Variants in PDE6B observed in about 807,000 individuals in gnomAD.
PDE6B encodes the protein phosphodiesterase 6B.
Under a neutral mutation model 109.0 loss-of-function variants are expected in PDE6B, and 106 were observed. That is an observed-to-expected ratio of 0.97 (90% confidence interval 0.83 to 1.14). PDE6B has a LOEUF of 1.14. Among genes scored for constraint, PDE6B ranks in the 50% most tolerant of loss-of-function variants. The pLI is 0.00. For synonymous variants in PDE6B, 490 were observed against 471.3 expected, an observed-to-expected ratio of 1.04 and a Z score of -0.51; for missense variants, 1,193 against 1,155.6, an observed-to-expected ratio of 1.03 and a Z score of -0.47.
chr4:653,484 C>G (rs942922418), intron 3 of PDE6B: 2 of 509,710 alleles, frequency 3.9e-6, no homozygotes, highest in Non-Finnish European at 6.4e-6. Flanking sequence ...AACCACGGCC[C>G]GATGTTCTCA....
rs1735336359 is a variant in PDE6B at position 648,746 on chromosome 4, C to T, written c.712-5106C>T. Among the ~76,000 whole-genome samples the T allele has an allele frequency of 6.6e-6, 1 of 152,256 alleles. No individual in the cohort carries two copies. The highest frequency in any genetic ancestry group is 1.5e-5 in the Non-Finnish European group (1 of 68,050). ...GCCTGTTCGGCTTAGTGGAGCAATT[C>T]TCACCGCCCAGCTGTCTGAGCTGCA... On this transcript the variant is annotated intron_variant, in intron 3 of 21. Coordinates refer to ENST00000496514, the MANE Select transcript of PDE6B (RefSeq NM_000283.4). The surrounding 1 kb of genome is among the most constrained non-coding windows in gnomAD (Gnocchi z 4.5).
At chr4:649,808 C>T (rs2109170895) in intron 3 of PDE6B, among the ~76,000 whole-genome samples, 1 of 152,286 alleles carries the variant, frequency 6.6e-6, no homozygotes, top group Admixed American at 6.5e-5. Flanking sequence ...ATCCCATCTG[C>T]CCTGGCCCCT....
At chr4:669,773 C>T (rs190777021) in intron 21 of PDE6B, among the ~76,000 whole-genome samples, 3 of 147,440 alleles carry the variant, frequency 2.0e-5, no homozygotes, top group Non-Finnish European at 4.5e-5. Flanking sequence ...ATGCTATCCC[C>T]CTACCCCATG....
chr4:653,428 C>A, intron 3 of PDE6B: 1 of 827,294 alleles, frequency 1.2e-6, no homozygotes, highest in Non-Finnish European at 1.6e-6. Flanking sequence ...AGCAATGCTT[C>A]ACTCTCAGAC....
At position 659,361 on chromosome 4, in the gene PDE6B, G is replaced by A. The variant is rs562701734; in HGVS notation, c.1467+344G>A. Among the ~76,000 whole-genome samples the A allele has an allele frequency of 3.9e-5, 6 of 152,346 alleles. No homozygotes were observed. The Middle Eastern group carries it at 0.014, about 345-fold the overall frequency. On this transcript the variant is annotated intron_variant, in intron 11 of 21. Transcript: ENST00000496514. ...TTAGTGGGCCTGACTTGGACTCTGT[G>A]TCCATCTATGTCATCTCTGCTCTCA... is the stretch of plus-strand genomic sequence containing the variant.
intron 3 of PDE6B, among the ~76,000 whole-genome samples, chr4:651,252 G>T (rs1458446740): frequency 1.3e-5 from 2 of 148,418 alleles, no homozygotes; most frequent in Non-Finnish European, 3.0e-5. Flanking sequence ...GCGGGGCAGG[G>T]GCTGAGGCGG....
intron 17 of PDE6B, 64 bp from the exon 18 acceptor site, chr4:664,815 AAC>A: frequency 1.6e-6 from 2 of 1,255,576 alleles, no homozygotes; most frequent in Non-Finnish European, 2.3e-6. Flanking sequence ...CAAAAAAGAA[AAC>A]ACATATAAAC....
intron 5 of PDE6B, 34 bp from the exon 6 acceptor site, chr4:654,790 G>C: frequency 8.5e-7 from 1 of 1,179,404 alleles, no homozygotes. Context: ...AGCTTGGCCA[G>C]GCAGCCCCCC....
At chr4:667,621 G>T (rs1019685380) in intron 20 of PDE6B, among the ~76,000 whole-genome samples, 9 of 152,064 alleles carry the variant, frequency 5.9e-5, no homozygotes, top group Non-Finnish European at 1.0e-4. Context: ...TCCTCTCCCT[G>T]CAACACTGCA....
intron 3 of PDE6B, chr4:652,481 G>A: frequency 1.0e-6 from 1 of 984,946 alleles, no homozygotes; most frequent in Non-Finnish European, 1.2e-6. Flanking sequence ...GTTAGCTGGA[G>A]CTGTGGGCTT....
intron 3 of PDE6B, among the ~76,000 whole-genome samples, chr4:645,807 C>T (rs1735174185): frequency 6.6e-6 from 1 of 151,924 alleles, no homozygotes; most frequent in African/African-American, 2.4e-5. Flanking sequence ...AGCATTTCCC[C>T]AGAATTTGCA....
Position 670,207 on chromosome 4 carries a change from GA to G in PDE6B, c.*104del. On this transcript the variant is annotated 3_prime_UTR_variant, in exon 22 of 22. Transcript: ENST00000496514. Reference sequence around the variant, plus strand: ...TGCTACAAGAGGTTAGGAAGCCCAAGAAAATGACTGAAGATCATTCTGGATA... The same window carrying G: ...TGCTACAAGAGGTTAGGAAGCCCAAGAAATGACTGAAGATCATTCTGGATA... The G allele has an allele frequency of 6.7e-7, 1 of 1,490,644 alleles. No individual in the cohort carries two copies. Among genetic ancestry groups the G allele is most frequent in the Non-Finnish European group, 9.2e-7 (1 of 1,081,738 alleles). The allele number at this position is 1,490,644 out of a possible 1,614,324, so 92.3% of individuals were successfully genotyped here. A position where few individuals can be genotyped will look rare whatever the true frequency, so the allele number is the denominator to read the frequency against.
In PDE6B at chr4:654,168, G is replaced by A. The variant is rs1285933579; in HGVS notation, c.927+14G>A. Reference sequence around the variant, plus strand: ...CCTGATGGCCGGGTGAGTCTTAGGGGAGGGGCCCAGGGCCTGTCCACACGC... The same window carrying A: ...CCTGATGGCCGGGTGAGTCTTAGGGAAGGGGCCCAGGGCCTGTCCACACGC... On this transcript the variant is annotated intron_variant, in intron 5 of 21. Coordinates refer to ENST00000496514, the MANE Select transcript of PDE6B (RefSeq NM_000283.4). The A allele has an allele frequency of 3.7e-6, 6 of 1,610,002 alleles. No homozygotes were observed. The highest frequency in any genetic ancestry group is 4.2e-6 in the Non-Finnish European group (5 of 1,177,088).
At chr4:646,909 G>T (rs1349472094) in intron 3 of PDE6B, among the ~76,000 whole-genome samples, 1 of 151,438 alleles carries the variant, frequency 6.6e-6, no homozygotes, top group African/African-American at 2.4e-5. Context: ...CCTGGCTGGA[G>T]TGCAGTGGCT....
intron 3 of PDE6B, among the ~76,000 whole-genome samples, chr4:639,387 G>C (rs1734843357): frequency 6.6e-6 from 1 of 152,042 alleles, no homozygotes; most frequent in Non-Finnish European, 1.5e-5. Context: ...TGTTTTTCTT[G>C]GGGTCCACAG....
At chr4:659,050 G>GGA in intron 11 of PDE6B, 33 bp downstream of exon 11, 1 of 1,531,544 alleles carries the variant, frequency 6.5e-7, no homozygotes, top group Non-Finnish European at 9.0e-7. Flanking sequence ...TCCCATGGAG[G>GGA]CCGGCCACGT....
intron 11 of PDE6B, 97 bp downstream of exon 11, chr4:659,114 C>A: frequency 2.3e-6 from 2 of 877,694 alleles, no homozygotes; most frequent in East Asian, 2.5e-5. Flanking sequence ...GTGCTTTGCA[C>A]ACACGGTCAT....
intron 3 of PDE6B, among the ~76,000 whole-genome samples, chr4:650,667 G>C (rs912045287): frequency 6.6e-6 from 1 of 152,182 alleles, no homozygotes; most frequent in South Asian, 2.1e-4. Context: ...ACACAGGGAG[G>C]GGGGCCGGCA....
In PDE6B at chr4:666,752, G is replaced by A. The variant is rs1468628671; in HGVS notation, c.2352+138G>A. 7 of 698,516 alleles carry A rather than the reference G, an allele frequency of 1.0e-5. No homozygotes were observed. The highest frequency in any genetic ancestry group is 1.9e-5 in the Non-Finnish European group (7 of 375,890). 43.3% of individuals were successfully genotyped at this position (698,516 alleles called of 1,614,324 possible). A position where few individuals can be genotyped will look rare whatever the true frequency, so the allele number is the denominator to read the frequency against. On this transcript the variant is annotated intron_variant, in intron 20 of 21. Transcript: ENST00000496514. This position sits in a 1 kb window ranked among gnomAD's most constrained non-coding sequence, Gnocchi z 5.6. The stretch of plus-strand genomic sequence containing the variant: ...GAGTAGGGATGCCAGTGCCAGCTTC[G>A]TGCCGCTCTTGAGTGGGGCAAATGG...
Sources: gnomAD v4.1 joint callset for allele counts (sites outside exome capture counted in the v4.1 genomes callset) on GRCh38, gnomAD v4.1.1 for gene constraint, Gnocchi (gnomAD v3.1) non-coding constraint, MANE v1.5 for transcripts, NCBI Gene and HGNC (gene_info 2026-07-23, HGNC 2026-07-21) for gene names.